The following SLC4A5 variants were observed in gnomAD, a reference collection of about 807,000 sequenced individuals.
SLC4A5 encodes the protein solute carrier family 4 member 5.
In SLC4A5, 96 loss-of-function variants were observed where a neutral mutation model predicts 120.4. That is an observed-to-expected ratio of 0.80 (90% confidence interval 0.68 to 0.94). The LOEUF is 0.94. Ranked by LOEUF, SLC4A5 falls within the 40% of genes least tolerant of loss-of-function variation. The pLI is 0.00. For missense variants in SLC4A5, 1,259 were observed against 1,459.5 expected, an observed-to-expected ratio of 0.86 and a Z score of 2.24; for synonymous variants, 550 against 571.1, an observed-to-expected ratio of 0.96 and a Z score of 0.53.
rs1433536513 is a variant in SLC4A5 at position 74,220,903 on chromosome 2, C to T, written c.*33+531G>A. On this transcript the variant is annotated intron_variant, in intron 30 of 30. Coordinates refer to ENST00000394019, the Ensembl canonical transcript of SLC4A5. ...TTGCCCAGGCTGGAGTGCAGTGGCG[C>T]GATCTCGGCTTACTGCAAGCTCTGC... is the stretch of plus-strand genomic sequence containing the variant. Among the ~76,000 whole-genome samples the T allele has an allele frequency of 1.5e-3, 184 of 122,972 alleles. No individual in the cohort carries two copies. In the Middle Eastern group the frequency reaches 0.024, roughly 16 times the overall value. 80.7% of individuals were successfully genotyped at this position (122,972 alleles called of 152,430 possible).
intron 5 of SLC4A5, among the ~76,000 whole-genome samples, chr2:74,324,924 G>A (rs897918538): frequency 2.0e-5 from 3 of 152,158 alleles, no homozygotes; most frequent in Non-Finnish European, 1.5e-5. Context: ...AAGCTGATAA[G>A]CTTGGAAGTT....
intron 6 of SLC4A5, among the ~76,000 whole-genome samples, chr2:74,305,037 C>G (rs1309197573): frequency 6.6e-6 from 1 of 152,172 alleles, no homozygotes; most frequent in African/African-American, 2.4e-5. Context: ...ATGCCAAGTG[C>G]CCTCTTTGAT....
chr2:74,304,666 G>C, exon 7 of SLC4A5: 1 of 1,613,316 alleles, frequency 6.2e-7, no homozygotes. Flanking sequence ...AGCCCAATGT[G>C]GATAGGAGGG....
intron 5 of SLC4A5, among the ~76,000 whole-genome samples, chr2:74,317,754 C>T (rs1056131658): frequency 1.3e-5 from 2 of 152,230 alleles, no homozygotes; most frequent in Admixed American, 6.5e-5. Context: ...GAAGTTTAGG[C>T]CCTCCAGGCA....
chr2:74,241,959 C>T (rs1375445373), intron 20 of SLC4A5, 35 bp downstream of exon 20: 1 of 1,583,540 alleles, frequency 6.3e-7, no homozygotes, highest in South Asian at 1.1e-5. Flanking sequence ...CAAACAAAAG[C>T]ACTCAAATGT....
chr2:74,281,365 C>G (rs780239169), intron 8 of SLC4A5, among the ~76,000 whole-genome samples: 4 of 152,202 alleles, frequency 2.6e-5, no homozygotes, highest in Non-Finnish European at 4.4e-5. Flanking sequence ...GGTCATTCTC[C>G]TTCCCAGCCC....
At chr2:74,337,060 A>G (rs1230927967) in intron 3 of SLC4A5, among the ~76,000 whole-genome samples, 2 of 152,232 alleles carry the variant, frequency 1.3e-5, no homozygotes, top group African/African-American at 4.8e-5. Context: ...ATAATTCCCC[A>G]GGGCAAGGAC....
rs17009770 is a variant in SLC4A5, at chr2:74,237,757, T to C, written c.2319+1578A>G. Among the ~76,000 whole-genome samples, 1,404 of 152,156 alleles carry C rather than the reference T, an allele frequency of 9.2e-3. 29 individuals carry two copies. Among genetic ancestry groups the C allele is most frequent in the African/African-American group, 0.032 (1,323 of 41,482 alleles). On this transcript the variant is annotated intron_variant, in intron 21 of 30. Coordinates refer to ENST00000394019, the Ensembl canonical transcript of SLC4A5. ...TTACTGCTTATGTATGCAAGTGCTG[T>C]TTTCATAAATCTTTTATTCCAGCCA...
intron 20 of SLC4A5, among the ~76,000 whole-genome samples, chr2:74,240,995 C>T (rs1670422543): frequency 6.6e-6 from 1 of 152,062 alleles, no homozygotes; most frequent in Non-Finnish European, 1.5e-5. Flanking sequence ...CTGAAGACCA[C>T]TGTCATTACT....
At chr2:74,294,034 G>A (rs1163722585) in intron 7 of SLC4A5, among the ~76,000 whole-genome samples, 2 of 152,252 alleles carry the variant, frequency 1.3e-5, no homozygotes, top group African/African-American at 4.8e-5. Context: ...TTGGATAAGG[G>A]AGGAAGCTCA....
chr2:74,289,098 G>A (rs1672077932), intron 7 of SLC4A5, among the ~76,000 whole-genome samples: 1 of 152,040 alleles, frequency 6.6e-6, no homozygotes, highest in Non-Finnish European at 1.5e-5. Context: ...GCCTCTGGTT[G>A]TCCCATTTAA....
At chr2:74,300,062 C>T (rs760251798) in intron 7 of SLC4A5, among the ~76,000 whole-genome samples, 4 of 152,110 alleles carry the variant, frequency 2.6e-5, no homozygotes, top group Non-Finnish European at 5.9e-5. Context: ...GGAAATTCTG[C>T]CATTTGTTTC....
intron 21 of SLC4A5, 122 bp downstream of exon 21, chr2:74,239,213 T>G: frequency 1.1e-6 from 1 of 874,632 alleles, no homozygotes; most frequent in Non-Finnish European, 1.8e-6. Context: ...TGACTTAACT[T>G]GAAAAACCCC....
chr2:74,339,867 A>G (rs1673585193), intron 2 of SLC4A5, among the ~76,000 whole-genome samples: 1 of 152,256 alleles, frequency 6.6e-6, no homozygotes, highest in Non-Finnish European at 1.5e-5. Flanking sequence ...TTAAAAAGGA[A>G]TAAAATTCAG....
intron 4 of SLC4A5, among the ~76,000 whole-genome samples, chr2:74,329,108 A>G (rs1054732198): frequency 2.6e-5 from 4 of 152,182 alleles, no homozygotes; most frequent in Non-Finnish European, 4.4e-5. Flanking sequence ...GGTGGTAGGA[A>G]TGATGGAGAA....
chr2:74,229,319 G>A (rs1048999266), intron 25 of SLC4A5, among the ~76,000 whole-genome samples: 11 of 150,132 alleles, frequency 7.3e-5, no homozygotes, highest in Admixed American at 2.7e-4. Context: ...GTGCAATCTC[G>A]GCTCACTGCA....
At chr2:74,285,622 T>C in intron 8 of SLC4A5, 151 bp downstream of exon 8, 2 of 773,306 alleles carry the variant, frequency 2.6e-6, no homozygotes, top group Non-Finnish European at 4.0e-6. Flanking sequence ...GTTTGCTCCT[T>C]AGTTCTGGAC....
exon 19 of SLC4A5, chr2:74,247,225 C>T: frequency 6.2e-7 from 1 of 1,614,238 alleles, no homozygotes; most frequent in Non-Finnish European, 8.5e-7. Context: ...AAGCTGGCAT[C>T]TGTGGCCACT....
chr2:74,241,953 CA>C, intron 20 of SLC4A5, 40 bp downstream of exon 20: 2 of 1,578,436 alleles, frequency 1.3e-6, no homozygotes, highest in East Asian at 2.3e-5. Context: ...CTCCTACAAA[CA>C]AAAGCACTCA....
Sources: allele counts gnomAD v4.1 joint callset (sites outside exome capture counted in the v4.1 genomes callset), GRCh38; gene constraint gnomAD v4.1.1; transcripts MANE v1.5; gene names NCBI Gene and HGNC (gene_info 2026-07-23, HGNC 2026-07-21).